The following CIROZ variants were observed in gnomAD, a reference collection of about 807,000 sequenced individuals.
The protein encoded by CIROZ is ciliated left-right organizer protein containing ZP-N domains, also known as ciliated left-right organizer ZP-N domains-containing protein.
At chr1:10,949,483 G>A in the CIROZ span, 1 of 974,866 alleles carries the variant, frequency 1.0e-6, no homozygotes, top group Middle Eastern at 3.2e-4. Context: ...AGGTAACATG[G>A]TTGGGGATCA....
chr1:10,954,485 A>T, the CIROZ span, among the ~76,000 whole-genome samples: 14 of 147,644 alleles, frequency 9.5e-5, no homozygotes, highest in African/African-American at 1.5e-4. Flanking sequence ...AAAGAAAAGA[A>T]AAGATAAGAA....
the CIROZ span, chr1:10,958,600 A>T: frequency 7.9e-7 from 1 of 1,259,818 alleles, no homozygotes; most frequent in Non-Finnish European, 1.2e-6. Context: ...CATCCACGAC[A>T]CTCTCCGGAG....
the CIROZ span, among the ~76,000 whole-genome samples, chr1:10,959,179 C>A: frequency 6.6e-6 from 1 of 152,166 alleles, no homozygotes; most frequent in Non-Finnish European, 1.5e-5. The surrounding 1 kb of genome is among the most constrained non-coding windows in gnomAD (Gnocchi z 4.3). Flanking sequence ...AGAGTGAGGG[C>A]TTCTACGGTC....
chr1:10,957,379 T>C, the CIROZ span, among the ~76,000 whole-genome samples: 1 of 152,264 alleles, frequency 6.6e-6, no homozygotes, highest in Non-Finnish European at 1.5e-5. Context: ...GAGACGGTAA[T>C]TACGCTCCTG....
the CIROZ span, among the ~76,000 whole-genome samples, chr1:10,973,956 A>C: frequency 8.9e-5 from 12 of 134,318 alleles, no homozygotes; most frequent in African/African-American, 2.4e-4. Flanking sequence ...CCCAGGAAGG[A>C]CCCCCCCCAC....
the CIROZ span, among the ~76,000 whole-genome samples, chr1:10,977,200 G>C: frequency 6.6e-6 from 1 of 152,092 alleles, no homozygotes; most frequent in African/African-American, 2.4e-5. Context: ...GCCTCAAAAA[G>C]ATTTTAAATG....
At chr1:10,970,002 C>CTCAGCCCCTCCACGTGGCTCCTTGGGA in the CIROZ span, 1 of 1,537,090 alleles carries the variant, frequency 6.5e-7, no homozygotes, top group Non-Finnish European at 8.7e-7. Context: ...CAGCCACCGC[C>CTCAGCCCCTCCACGTGGCTCCTTGGGA]TCAGCCCCTC....
chr1:10,954,897 T>G, the CIROZ span: 61 of 1,363,672 alleles, frequency 4.5e-5, no homozygotes, highest in Non-Finnish European at 1.7e-5. Flanking sequence ...CTGGCCTACC[T>G]TCCATGTTTC....
the CIROZ span, among the ~76,000 whole-genome samples, chr1:10,968,298 T>C: frequency 6.6e-6 from 1 of 152,242 alleles, no homozygotes; most frequent in Non-Finnish European, 1.5e-5. Context: ...GCTTCTGTCA[T>C]GATTATTTTT....
chr1:10,969,821 G>C, the CIROZ span: 1 of 1,237,860 alleles, frequency 8.1e-7, no homozygotes. Flanking sequence ...AGAGAGCCTG[G>C]AAGGGCTGTG....
the CIROZ span, chr1:10,946,824 A>G: frequency 3.9e-5 from 6 of 152,366 alleles, no homozygotes; most frequent in South Asian, 1.2e-3. Context: ...GGAGTCCTTT[A>G]GAGACCTGAG....
the CIROZ span, chr1:10,948,705 G>T: frequency 1.0e-5 from 16 of 1,584,414 alleles, no homozygotes; most frequent in African/African-American, 1.7e-4. Flanking sequence ...GGCTGGAGGT[G>T]TGGGGTGTCC....
the CIROZ span, among the ~76,000 whole-genome samples, chr1:10,954,453 CAAA>C: frequency 4.3e-5 from 5 of 117,336 alleles, no homozygotes; most frequent in South Asian, 4.9e-4. Context: ...GACTCTGTCT[CAAA>C]AAAAAAAAAA....
At chr1:10,957,131 C>T in the CIROZ span, 1 of 1,537,788 alleles carries the variant, frequency 6.5e-7, no homozygotes, top group Non-Finnish European at 8.8e-7. Flanking sequence ...GGGGTCCCCC[C>T]TGAGGTCTCC....
At chr1:10,970,092 G>A in the CIROZ span, 1 of 1,494,856 alleles carries the variant, frequency 6.7e-7, no homozygotes, top group African/African-American at 1.4e-5. Flanking sequence ...AGATGCTTCT[G>A]AGAAGGAAGG....
At chr1:10,959,829 C>T in the CIROZ span, among the ~76,000 whole-genome samples, 52 of 152,318 alleles carry the variant, frequency 3.4e-4, no homozygotes, top group Non-Finnish European at 4.9e-4. This position sits in a 1 kb window ranked among gnomAD's most constrained non-coding sequence, Gnocchi z 4.3. Context: ...GCAGCAGGCT[C>T]GGGCTGCCCA....
At chr1:10,971,799 C>T in the CIROZ span, among the ~76,000 whole-genome samples, 2 of 152,204 alleles carry the variant, frequency 1.3e-5, no homozygotes, top group Non-Finnish European at 2.9e-5. Flanking sequence ...GCCTTGTTGA[C>T]CACTCTATCC....
the CIROZ span, among the ~76,000 whole-genome samples, chr1:10,965,173 C>T: frequency 1.3e-5 from 2 of 151,456 alleles, no homozygotes; most frequent in African/African-American, 4.9e-5. Flanking sequence ...TGCGGTGGGG[C>T]CTGAGAAGGG....
At chr1:10,965,917 G>A in the CIROZ span, among the ~76,000 whole-genome samples, 131 of 152,172 alleles carry the variant, frequency 8.6e-4, no homozygotes, top group African/African-American at 2.9e-3. Context: ...GCCTGTGCAA[G>A]TGAGGGCTGT....
Sources: gnomAD v4.1 joint callset for allele counts (sites outside exome capture counted in the v4.1 genomes callset) on GRCh38, gnomAD v4.1.1 for gene constraint, Gnocchi (gnomAD v3.1) non-coding constraint, MANE v1.5 for transcripts, NCBI Gene and HGNC (gene_info 2026-07-23, HGNC 2026-07-21) for gene names.